Variants in YWHAB observed in about 807,000 individuals in gnomAD.
The protein encoded by YWHAB is 14-3-3 protein beta/alpha.
YWHAB carries 2 observed loss-of-function variants against 28.5 expected under a neutral mutation model. That is an observed-to-expected ratio of 0.07 (90% CI 0.03 to 0.22). YWHAB has a LOEUF of 0.22. Among genes scored for constraint, YWHAB ranks in the 10% least tolerant of loss-of-function variants. YWHAB has a pLI of 1.00. For missense variants in YWHAB, 148 were observed against 297.1 expected (o/e 0.50, Z 3.69); for synonymous variants, 103 against 104.7 (o/e 0.98, Z 0.10).
At chr20:44,897,452 G>A (rs557294315) in intron 1 of YWHAB, among the ~76,000 whole-genome samples, 1 of 152,130 alleles carries the variant, frequency 6.6e-6, no homozygotes, top group Non-Finnish European at 1.5e-5. Context: ...AGGTTGTTGG[G>A]TCATTGAAAG....
At chr20:44,896,176 T>G (rs993075828) in intron 1 of YWHAB, among the ~76,000 whole-genome samples, 3 of 152,256 alleles carry the variant, frequency 2.0e-5, no homozygotes, top group South Asian at 2.1e-4. Flanking sequence ...TAAATTTTTC[T>G]GGTAGCTGCA....
intron 1 of YWHAB, among the ~76,000 whole-genome samples, chr20:44,896,663 G>T (rs1009208704): frequency 6.6e-6 from 1 of 152,210 alleles, no homozygotes; most frequent in Admixed American, 6.5e-5. Context: ...GCATGGAGGG[G>T]GCTGTAGATA....
In YWHAB at chr20:44,906,438, A is replaced by G; in HGVS notation, c.741A>G (p.Ter247=). The change falls in exon 6 of 6, where the codon TAA becomes TAG. Residue 247 remains the stop codon, a stop_retained_variant. Coordinates refer to ENST00000353703, the MANE Select transcript of YWHAB (RefSeq NM_139323.4). ...GAGACGCTGGGGAGGGAGAGAACTA[A>G]TGTTTCTCGTGCTTTGTGATCTGTT... ...DEGDAGEGEN[*] 1 of 1,608,370 alleles carries G rather than the reference A, an allele frequency of 6.2e-7. No homozygotes were observed. Among genetic ancestry groups the G allele is most frequent in the South Asian group, 1.1e-5 (1 of 90,912 alleles).
At chr20:44,892,275 T>C (rs1254769707) in intron 1 of YWHAB, among the ~76,000 whole-genome samples, 1 of 152,226 alleles carries the variant, frequency 6.6e-6, no homozygotes, top group Non-Finnish European at 1.5e-5. Flanking sequence ...GGCCTTTGAT[T>C]TTTATCTCAT....
chr20:44,895,872 A>G (rs536786301), intron 1 of YWHAB, among the ~76,000 whole-genome samples: 106 of 152,292 alleles, frequency 7.0e-4, no homozygotes, highest in African/African-American at 2.5e-3. Context: ...AGGTGCTTTG[A>G]ATTATTTGAG....
In YWHAB at chr20:44,901,638, G is replaced by C. The variant is rs375556088; in HGVS notation, c.105G>C (p.Gly35=). The change falls in exon 2 of 6, where the codon GGG becomes GGC. Residue 35 remains glycine (G), a synonymous_variant. Transcript: ENST00000353703. ...CCATGAAGGCAGTCACAGAACAGGGGCATGAACTCTCCAACGAAGAGAGAA... is the reference window on the plus strand; with the variant it reads ...CCATGAAGGCAGTCACAGAACAGGGCCATGAACTCTCCAACGAAGAGAGAA... ...AAAMKAVTEQ[G]HELSNEERNL... 3.1e-6 allele frequency: 5 copies of C among 1,614,050 alleles called. No homozygotes were observed. Among genetic ancestry groups the C allele is most frequent in the Non-Finnish European group, 4.2e-6 (5 of 1,180,046 alleles).
At position 44,901,526 on chromosome 20, in the gene YWHAB, T is replaced by G; in HGVS notation, c.-3-5T>G. On this transcript the variant is annotated splice_polypyrimidine_tract_variant and splice_region_variant and intron_variant, in intron 1 of 5. Coordinates refer to ENST00000353703, the MANE Select transcript of YWHAB (RefSeq NM_139323.4). ...CTCTTTCTTTTTCTCTTGCTCTTGT[T>G]CTAGGGAATGACAATGGATAAAAGT... 6.3e-7 allele frequency: 1 copy of G among 1,582,834 alleles called. No individual in the cohort carries two copies.
intron 2 of YWHAB, chr20:44,902,467 C>T (rs574855426): frequency 6.6e-6 from 1 of 152,302 alleles, no homozygotes; most frequent in Admixed American, 6.5e-5. Context: ...GTCTTTCCCG[C>T]ACATCCTGAG....
chr20:44,902,110 T>C (rs1466227208), intron 2 of YWHAB: 1 of 320,800 alleles, frequency 3.1e-6, no homozygotes, highest in African/African-American at 2.1e-5. Flanking sequence ...TCTTTTAAAA[T>C]TGAGGCCAGA....
At chr20:44,894,938 T>A (rs998927875) in intron 1 of YWHAB, among the ~76,000 whole-genome samples, 2 of 152,274 alleles carry the variant, frequency 1.3e-5, no homozygotes, top group Non-Finnish European at 2.9e-5. Context: ...TTGATATTCA[T>A]TTGCATATGA....
intron 1 of YWHAB, among the ~76,000 whole-genome samples, chr20:44,891,124 G>GTT (rs530951806): frequency 6.8e-6 from 1 of 147,768 alleles, no homozygotes; most frequent in African/African-American, 2.5e-5. Context: ...ATTTGCCTAT[G>GTT]TTTTTTTTTT....
intron 1 of YWHAB, among the ~76,000 whole-genome samples, chr20:44,895,253 G>T (rs1353738349): frequency 2.0e-5 from 3 of 152,174 alleles, no homozygotes; most frequent in Non-Finnish European, 4.4e-5. Flanking sequence ...TTTCAGACAC[G>T]TTTGAGCATT....
intron 1 of YWHAB, 129 bp from the exon 2 acceptor site, chr20:44,901,402 G>T: frequency 1.1e-6 from 1 of 938,516 alleles, no homozygotes; most frequent in South Asian, 1.7e-5. Context: ...TATTGTTGAT[G>T]GCATTTGGAA....
At chr20:44,893,694 C>CTTTTTTTTTTT (rs3091859) in intron 1 of YWHAB, among the ~76,000 whole-genome samples, 1 of 103,790 alleles carries the variant, frequency 9.6e-6, no homozygotes, top group African/African-American at 4.1e-5. Flanking sequence ...CCTCCCCTGC[C>CTTTTTTTTTTT]TTTTTTTTTT....
chr20:44,892,632 G>A (rs2066569539), intron 1 of YWHAB, among the ~76,000 whole-genome samples: 1 of 152,028 alleles, frequency 6.6e-6, no homozygotes, highest in African/African-American at 2.4e-5. Context: ...ATTTTTGTGA[G>A]GTAGCTTAAG....
At position 44,907,036 on chromosome 20, in the gene YWHAB, GA is replaced by G. The variant is rs2066661971; in HGVS notation, c.*601del. ...AATGTCCACAGTGTCTTCCTCTGAG[GA>G]AACTCGAATCCTGAAATGGAAATTC... On this transcript the variant is annotated 3_prime_UTR_variant, in exon 6 of 6. Coordinates refer to ENST00000353703, the MANE Select transcript of YWHAB (RefSeq NM_139323.4). The G allele has an allele frequency of 6.6e-6, 1 of 152,204 alleles. No homozygotes were observed. 9.4% of individuals were successfully genotyped at this position (152,204 alleles called of 1,614,324 possible).
intron 1 of YWHAB, among the ~76,000 whole-genome samples, chr20:44,889,887 G>A (rs1288236661): frequency 6.6e-6 from 1 of 152,066 alleles, no homozygotes; most frequent in Non-Finnish European, 1.5e-5. Context: ...AGGAGATAGG[G>A]TTACATAAAG....
At position 44,906,683 on chromosome 20, in the gene YWHAB, C is replaced by T; in HGVS notation, c.*245C>T. ...ATTTTGATTAACATTGACAGGATTACTGTGTGTTTAATTTTTTAAAAACTG... is the reference window on the plus strand; with the variant it reads ...ATTTTGATTAACATTGACAGGATTATTGTGTGTTTAATTTTTTAAAAACTG... On this transcript the variant is annotated 3_prime_UTR_variant, in exon 6 of 6. Transcript: ENST00000353703. The T allele has an allele frequency of 1.0e-5, 3 of 296,654 alleles. No homozygotes were observed. Among genetic ancestry groups the T allele is most frequent in the East Asian group, 5.4e-5 (1 of 18,528 alleles). The allele number at this position is 296,654 out of a possible 1,614,324, so 18.4% of individuals were successfully genotyped here.
chr20:44,896,700 G>A (rs1206723321), intron 1 of YWHAB, among the ~76,000 whole-genome samples: 1 of 152,224 alleles, frequency 6.6e-6, no homozygotes, highest in Non-Finnish European at 1.5e-5. Context: ...ATTGCCACTA[G>A]GGCAAGATTT....
Sources: gnomAD v4.1 joint callset for allele counts (sites outside exome capture counted in the v4.1 genomes callset) on GRCh38, gnomAD v4.1.1 for gene constraint, MANE v1.5 for transcripts, NCBI Gene and HGNC (gene_info 2026-07-23, HGNC 2026-07-21) for gene names.